Variants in CYFIP1 observed in about 807,000 individuals in gnomAD.
CYFIP1 encodes cytoplasmic FMR1-interacting protein 1.
Under a neutral mutation model 163.5 loss-of-function variants are expected in CYFIP1, and 58 were observed. The ratio of observed to expected loss-of-function variants is 0.35; its 90% confidence interval spans 0.29 to 0.44. The LOEUF is 0.44. Ranked by LOEUF, CYFIP1 falls within the 20% of genes least tolerant of loss-of-function variation. The pLI, the probability that CYFIP1 is intolerant of heterozygous loss-of-function variation, is 1.00. For missense variants in CYFIP1, 1,338 were observed against 1,653.8 expected (o/e 0.81, Z 3.31); for synonymous variants, 663 against 660.7 (o/e 1.00, Z -0.05).
chr15:22,900,234 CAG>C (rs2060352067), intron 22 of CYFIP1, among the ~76,000 whole-genome samples: 1 of 151,950 alleles, frequency 6.6e-6, no homozygotes, highest in African/African-American at 2.4e-5. Context: ...CAAGTGAAGA[CAG>C]AGAGGAGACT....
intron 12 of CYFIP1, among the ~76,000 whole-genome samples, chr15:22,927,595 G>A (rs1208778058): frequency 6.6e-6 from 1 of 151,814 alleles, no homozygotes; most frequent in Non-Finnish European, 1.5e-5. Context: ...AGTCAAGGCT[G>A]TAGGGACTTA....
intron 17 of CYFIP1, 40 bp downstream of exon 17, chr15:22,914,686 C>A (rs761500407): frequency 6.4e-7 from 1 of 1,571,032 alleles, no homozygotes; most frequent in South Asian, 1.2e-5. Flanking sequence ...CCCCCGGTCA[C>A]CACACACAAA....
rs559406139 is a variant in CYFIP1 at position 22,925,408 on chromosome 15, A to G, written c.1359+574T>C. On this transcript the variant is annotated intron_variant, in intron 13 of 30. Transcript: ENST00000617928. ...GCCACACATGCATTGTCACGTGACC[A>G]GCTACAAAGGTGGCAGCGTGAGGGT... Among the ~76,000 whole-genome samples the G allele has an allele frequency of 5.3e-5, 8 of 152,226 alleles. No individual in the cohort carries two copies. In the South Asian group the frequency reaches 1.2e-3, roughly 24 times the overall value.
intron 1 of CYFIP1, among the ~76,000 whole-genome samples, chr15:22,969,728 A>G (rs2063025770): frequency 2.0e-5 from 3 of 152,232 alleles, no homozygotes; most frequent in Admixed American, 2.0e-4. Flanking sequence ...GAGTAAACAG[A>G]AAACATGAAC....
At chr15:22,926,231 C>A in intron 12 of CYFIP1, 124 bp from the exon 13 acceptor site, 1 of 1,398,112 alleles carries the variant, frequency 7.2e-7, no homozygotes, top group Non-Finnish European at 9.8e-7. Flanking sequence ...TTCTGAAAGT[C>A]ACACATGAGG....
At chr15:22,887,141 T>C (rs1223713173) in intron 23 of CYFIP1, among the ~76,000 whole-genome samples, 1 of 152,214 alleles carries the variant, frequency 6.6e-6, no homozygotes. Flanking sequence ...GATCCTGCTT[T>C]GTACCCCTTT....
At chr15:22,888,902 G>A (rs138727647) in intron 23 of CYFIP1, among the ~76,000 whole-genome samples, 12 of 151,984 alleles carry the variant, frequency 7.9e-5, no homozygotes, top group Non-Finnish European at 1.3e-4. Flanking sequence ...TTGGCCAGGC[G>A]TGGTGGCACA....
intron 1 of CYFIP1, among the ~76,000 whole-genome samples, chr15:22,978,260 G>A (rs2063343673): frequency 6.8e-6 from 1 of 147,050 alleles, no homozygotes. Context: ...GCTGAGGTGG[G>A]AGAACCACCT....
chr15:22,973,607 C>T (rs35072893), intron 1 of CYFIP1, among the ~76,000 whole-genome samples: 27,525 of 152,056 alleles, frequency 0.18, 2,571 homozygotes, highest in Non-Finnish European at 0.2. Context: ...TTTTCAGATT[C>T]CACATGTGAG....
At chr15:22,979,452 G>C (rs979600284) in intron 1 of CYFIP1, among the ~76,000 whole-genome samples, 1 of 145,174 alleles carries the variant, frequency 6.9e-6, no homozygotes, top group Non-Finnish European at 1.5e-5. Flanking sequence ...TCCGCCGCCA[G>C]AAAACAAACG....
intron 23 of CYFIP1, among the ~76,000 whole-genome samples, chr15:22,884,499 T>C (rs7183752): frequency 0.83 from 125,644 of 152,192 alleles, 52,002 homozygotes; most frequent in East Asian, 0.93. Flanking sequence ...CACACTGATG[T>C]AAGATGTGGG....
chr15:22,939,590 C>T (rs949089197), intron 6 of CYFIP1, 83 bp from the exon 7 acceptor site: 8 of 929,406 alleles, frequency 8.6e-6, no homozygotes, highest in African/African-American at 3.8e-5. Flanking sequence ...AAGCCTGGTT[C>T]GAGTGGGATC....
chr15:22,920,589 TCTG>T (rs1288612907), intron 13 of CYFIP1, among the ~76,000 whole-genome samples: 1 of 152,204 alleles, frequency 6.6e-6, no homozygotes, highest in Non-Finnish European at 1.5e-5. Context: ...AAGTTGACAG[TCTG>T]CTTTTAATTC....
chr15:22,870,196 C>CA lies in CYFIP1; in HGVS notation c.3598-5dup. ...TCTCCACCATCTTCTTCAAAGGCTA[C>CA]AACCATCAAAGTGAGGATGTTTTAC... On this transcript the variant is annotated splice_region_variant and splice_polypyrimidine_tract_variant and intron_variant, in intron 30 of 30. Transcript: ENST00000617928. 6.2e-7 allele frequency: 1 copy of CA among 1,604,942 alleles called. No individual in the cohort carries two copies. Among genetic ancestry groups the CA allele is most frequent in the Non-Finnish European group, 8.5e-7 (1 of 1,176,750 alleles).
chr15:22,951,649 CAAG>C, intron 1 of CYFIP1: 2 of 949,586 alleles, frequency 2.1e-6, no homozygotes, highest in South Asian at 1.5e-5. Flanking sequence ...CGCGGGTCAA[CAAG>C]AAGACAGGTC....
At chr15:22,871,654 A>G (rs1478707014) in intron 30 of CYFIP1, among the ~76,000 whole-genome samples, 1 of 152,168 alleles carries the variant, frequency 6.6e-6, no homozygotes, top group Non-Finnish European at 1.5e-5. Flanking sequence ...TGGGCTCAAT[A>G]TAGTCACAGT....
At position 22,914,738 on chromosome 15, in the gene CYFIP1, G is replaced by A; in HGVS notation, c.1973C>T (p.Ala658Val). The change falls in exon 17 of 31, where the codon GCA (alanine) becomes GTA (valine). Residue 658 changes from alanine (A) to valine (V), a missense_variant. Around this residue, in one of 4 missense-constraint regions of CYFIP1, gnomAD observed 824 missense variants for 995.7 expected, o/e 0.83. Transcript: ENST00000617928. ...LTDHILETKEASMMEYVLYSL... is the reference protein window; with the variant it reads ...LTDHILETKEVSMMEYVLYSL... ...GCAGGACACGCACTCCATCATCGAT[G>A]CCTCCTTGGTCTCCAGGATGTGGTC... 2 of 1,611,634 alleles carry A rather than the reference G, an allele frequency of 1.2e-6. No homozygotes were observed. The highest frequency in any genetic ancestry group is 1.7e-6 in the Non-Finnish European group (2 of 1,178,770).
Position 22,951,936 on chromosome 15 carries a change from C to T in CYFIP1, c.-6-4645G>A, listed in dbSNP as rs941399439. Among the ~76,000 whole-genome samples the T allele has an allele frequency of 1.1e-4, 16 of 151,740 alleles. 1 individual carries two copies. The highest frequency in any genetic ancestry group is 3.4e-4 in the African/African-American group (14 of 41,358). ...GAACCCACGGAAAAACACCAGATAACGCAGCTTGTTGAACCCATGGAAAAA... is the reference window on the plus strand; with the variant it reads ...GAACCCACGGAAAAACACCAGATAATGCAGCTTGTTGAACCCATGGAAAAA... On this transcript the variant is annotated intron_variant, in intron 1 of 30. Coordinates refer to ENST00000617928, the MANE Select transcript of CYFIP1 (RefSeq NM_014608.6).
At chr15:22,898,193 T>G (rs1850535885) in intron 22 of CYFIP1, among the ~76,000 whole-genome samples, 1 of 152,304 alleles carries the variant, frequency 6.6e-6, no homozygotes, top group South Asian at 2.1e-4. Context: ...GTCCAGTTTT[T>G]CACTTAAGGA....
Sources: gnomAD v4.1 joint callset for allele counts (sites outside exome capture counted in the v4.1 genomes callset) on GRCh38, gnomAD v4.1.1 for gene constraint, gnomAD v4.1.1 regional missense constraint, MANE v1.5 for transcripts, NCBI Gene and HGNC (gene_info 2026-07-23, HGNC 2026-07-21) for gene names.